The following FAM153A variants were observed in gnomAD, a reference collection of about 807,000 sequenced individuals.
The protein encoded by FAM153A is protein FAM153A.
In FAM153A, 12 loss-of-function variants were observed where a neutral mutation model predicts 48.1. That is an observed-to-expected ratio of 0.25 (90% CI 0.16 to 0.40). FAM153A has a LOEUF of 0.40. Ranked by LOEUF, FAM153A falls within the 10% of genes least tolerant of loss-of-function variation. The probability of loss-of-function intolerance (pLI) is 1.00; values close to 1 mark genes in which losing one functional copy is unlikely to be tolerated. For missense variants in FAM153A, 111 were observed against 345.8 expected, an observed-to-expected ratio of 0.32 and a Z score of 5.38; for synonymous variants, 36 against 118.2, an observed-to-expected ratio of 0.30 and a Z score of 4.51.
At chr5:177,706,789 A>AT (rs1263157459), downstream of FAM153A, 1 of 151,934 alleles carries the variant, frequency 6.6e-6, no homozygotes, top group East Asian at 1.9e-4. Context: ...GGATCTGAAG[A>AT]TTCAAAGAGG....
At chr5:177,727,384 CTTGG>C (rs1762805912) in intron 18 of FAM153A, among the ~76,000 whole-genome samples, 1 of 101,262 alleles carries the variant, frequency 9.9e-6, no homozygotes, top group Admixed American at 1.1e-4. Flanking sequence ...CTCCTGTGAC[CTTGG>C]ATCAGAATCC....
At chr5:177,713,447 TG>T (rs1295818083) in intron 26 of FAM153A, among the ~76,000 whole-genome samples, 1 of 151,088 alleles carries the variant, frequency 6.6e-6, no homozygotes. Flanking sequence ...TTAGTAGAGA[TG>T]GGGTTTCACC....
chr5:177,734,647 AAGGCTCACTGTT>A (rs1764394803), intron 13 of FAM153A, among the ~76,000 whole-genome samples: 1 of 144,846 alleles, frequency 6.9e-6, no homozygotes, highest in East Asian at 2.0e-4. Flanking sequence ...CAAAATTGGT[AAGGCTCACTGTT>A]ACACAACAGG....
chr5:177,757,308 C>T, upstream of FAM153A, among the ~76,000 whole-genome samples: 1 of 107,854 alleles, frequency 9.3e-6, no homozygotes, highest in Admixed American at 1.1e-4. Context: ...AACAGACCAA[C>T]AGGCTCTGAA....
the FAM153A span, among the ~76,000 whole-genome samples, chr5:177,699,666 A>G: frequency 6.6e-6 from 1 of 152,286 alleles, no homozygotes; most frequent in African/African-American, 2.4e-5. Flanking sequence ...GAAGAAGTGG[A>G]AAATCTGAAA....
chr5:177,759,791 G>A (rs11948110), intron 1 of FAM153A, among the ~76,000 whole-genome samples: 5 of 150,828 alleles, frequency 3.3e-5, no homozygotes, highest in Admixed American at 6.6e-5. Flanking sequence ...AGGAAGGGGA[G>A]CATCACACAC....
At chr5:177,770,505 C>T (rs796316735) in intron 1 of FAM153A, among the ~76,000 whole-genome samples, 6 of 96,666 alleles carry the variant, frequency 6.2e-5, no homozygotes, top group Admixed American at 4.3e-4. Context: ...AAGATATCCA[C>T]TGTATTATTT....
At chr5:177,755,433 T>C (rs1424204226), upstream of FAM153A, among the ~76,000 whole-genome samples, 1 of 151,816 alleles carries the variant, frequency 6.6e-6, no homozygotes, top group Admixed American at 6.6e-5. Context: ...CCAGGAGAAC[T>C]TCCCCAATCG....
At chr5:177,710,897 T>A (rs1758369225), downstream of FAM153A, among the ~76,000 whole-genome samples, 1 of 150,668 alleles carries the variant, frequency 6.6e-6, no homozygotes, top group Non-Finnish European at 1.5e-5. Context: ...TGATCCACCC[T>A]CCTCGGCCTC....
At chr5:177,730,266 C>G (rs573247499) in intron 16 of FAM153A, among the ~76,000 whole-genome samples, 1 of 120,332 alleles carries the variant, frequency 8.3e-6, no homozygotes, top group African/African-American at 2.7e-5. Flanking sequence ...CCCTCTCCAA[C>G]CCAGCTGTGC....
At chr5:177,746,816 T>C (rs993733405) in intron 4 of FAM153A, among the ~76,000 whole-genome samples, 7 of 151,482 alleles carry the variant, frequency 4.6e-5, no homozygotes, top group African/African-American at 1.7e-4. Context: ...TAACAGCCAA[T>C]TGGCTCTGTG....
At chr5:177,694,943 G>T in the FAM153A span, among the ~76,000 whole-genome samples, 1 of 151,410 alleles carries the variant, frequency 6.6e-6, no homozygotes, top group Non-Finnish European at 1.5e-5. Context: ...TATTTTTTTG[G>T]AATGGAGTCT....
At chr5:177,737,891 T>C (rs1245512932) in intron 10 of FAM153A, among the ~76,000 whole-genome samples, 2 of 151,734 alleles carry the variant, frequency 1.3e-5, no homozygotes, top group African/African-American at 4.9e-5. Flanking sequence ...ATATTCTATG[T>C]ATTCACTAAC....
rs549365865 is a variant in FAM153A at position 177,713,559 on chromosome 5, C to T, written c.*1391+189G>A. Among the ~76,000 whole-genome samples the T allele has an allele frequency of 2.0e-5, 3 of 151,578 alleles. No homozygotes were observed. In the South Asian group the frequency reaches 6.3e-4, roughly 32 times the overall value. The stretch of plus-strand genomic sequence containing the variant: ...GGCGTGAGCAACCGTGCTCGGTCAT[C>T]TTACATATTTTCTTTGTCTAAATGA... On this transcript the variant is annotated intron_variant and NMD_transcript_variant, in intron 26 of 26. Coordinates refer to the FAM153A transcript ENST00000360669.
At chr5:177,745,850 C>G (rs1011207701) in intron 4 of FAM153A, among the ~76,000 whole-genome samples, 2 of 151,836 alleles carry the variant, frequency 1.3e-5, no homozygotes, top group African/African-American at 2.4e-5. Context: ...CCTGAGGACT[C>G]TGTGTGTTTT....
At chr5:177,766,153 T>A in intron 1 of FAM153A, among the ~76,000 whole-genome samples, 1 of 93,028 alleles carries the variant, frequency 1.1e-5, no homozygotes, top group African/African-American at 4.0e-5. Flanking sequence ...CAGAAAAACA[T>A]GCCAATAGGA....
At chr5:177,709,197 T>G (rs139160405), downstream of FAM153A, among the ~76,000 whole-genome samples, 1,174 of 146,068 alleles carry the variant, frequency 8.0e-3, 42 homozygotes, top group African/African-American at 0.027. Context: ...TAGTACTGCA[T>G]TCTGTTCAAC....
chr5:177,771,395 C>T lies in FAM153A; in HGVS notation c.-57+9054G>A, dbSNP rs1198998151. Among the ~76,000 whole-genome samples, 2 of 97,028 alleles carry T rather than the reference C, an allele frequency of 2.1e-5. 1 individual carries two copies. The highest frequency in any genetic ancestry group is 2.1e-4 in the Admixed American group (2 of 9,376). 63.7% of individuals were successfully genotyped at this position (97,028 alleles called of 152,430 possible). ...TTCCATTCAAATACCTGTGAGTCACCAGAAGTCAAAAAAGTAGCCAGCATT... is the reference window on the plus strand; with the variant it reads ...TTCCATTCAAATACCTGTGAGTCACTAGAAGTCAAAAAAGTAGCCAGCATT... On this transcript the variant is annotated intron_variant, in intron 1 of 8. Transcript: ENST00000393518.
At chr5:177,696,392 C>T in the FAM153A span, among the ~76,000 whole-genome samples, 34 of 151,794 alleles carry the variant, frequency 2.2e-4, no homozygotes, top group South Asian at 2.5e-3. Flanking sequence ...TGGGCAGAGA[C>T]GCTCCTCACT....
Sources: allele counts gnomAD v4.1 joint callset (sites outside exome capture counted in the v4.1 genomes callset), GRCh38; gene constraint gnomAD v4.1.1; transcripts MANE v1.5; gene names NCBI Gene and HGNC (gene_info 2026-07-23, HGNC 2026-07-21).